ARID1B: variants seen among roughly 807,000 people sequenced by gnomAD.
ARID1B encodes the protein AT-rich interaction domain 1B.
A neutral mutation model predicts 212.3 loss-of-function variants in ARID1B; 30 were observed. The ratio of observed to expected loss-of-function variants is 0.14; its 90% confidence interval spans 0.11 to 0.19. The LOEUF (loss-of-function observed/expected upper bound fraction) is 0.19, where lower values mean the gene tolerates loss of function less well. ARID1B is among the 10% of genes least tolerant of loss of function. The probability of loss-of-function intolerance (pLI) is 1.00; values close to 1 mark genes in which losing one functional copy is unlikely to be tolerated. For missense variants in ARID1B, 2,891 were observed against 3,204.0 expected (o/e 0.90, Z 2.36); for synonymous variants, 1,402 against 1,301.7 (o/e 1.08, Z -1.66).
At chr6:157,155,760 T>C (rs78424269) in intron 8 of ARID1B, among the ~76,000 whole-genome samples, 3,406 of 152,254 alleles carry the variant, frequency 0.022, 63 homozygotes, top group East Asian at 0.059. Context: ...CCCCACCGTA[T>C]TGCTGTTGGA....
intron 4 of ARID1B, among the ~76,000 whole-genome samples, chr6:157,064,498 T>G (rs1783548475): frequency 6.9e-6 from 1 of 145,320 alleles, no homozygotes. Context: ...TTGTTCCCAG[T>G]GAACAGTGAA....
intron 4 of ARID1B, among the ~76,000 whole-genome samples, chr6:156,972,159 C>T (rs1776976578): frequency 6.6e-6 from 1 of 152,066 alleles, no homozygotes. Context: ...ATGAGATTCC[C>T]CCAGAATTCT....
intron 7 of ARID1B, chr6:157,140,910 T>C (rs7765287): frequency 8.0e-4 from 298 of 373,596 alleles, no homozygotes; most frequent in African/African-American, 5.9e-3. Flanking sequence ...CCTCATGACA[T>C]GTTCTTGATT....
chr6:156,890,982 A>G (rs141205075), intron 2 of ARID1B, among the ~76,000 whole-genome samples: 98 of 152,268 alleles, frequency 6.4e-4, no homozygotes, highest in African/African-American at 2.2e-3. Flanking sequence ...AAGGCACCTA[A>G]GCTGTTTAGG....
intron 2 of ARID1B, chr6:156,871,774 G>A (rs2128145705): frequency 8.5e-7 from 1 of 1,175,272 alleles, no homozygotes; most frequent in South Asian, 1.4e-5. Flanking sequence ...TTAGATGGGA[G>A]GCTGAGGGCC....
chr6:156,911,483 C>T (rs1275812408), intron 3 of ARID1B, among the ~76,000 whole-genome samples: 1 of 151,796 alleles, frequency 6.6e-6, no homozygotes, highest in Non-Finnish European at 1.5e-5. Context: ...TACCCTATAG[C>T]CACTGTTTAA....
chr6:156,856,479 TTAAG>T (rs538647709), intron 2 of ARID1B, among the ~76,000 whole-genome samples: 67 of 152,246 alleles, frequency 4.4e-4, no homozygotes, highest in Non-Finnish European at 7.2e-4. Context: ...CATGGAGAGA[TTAAG>T]TAACTTCCCC....
At chr6:157,149,801 G>A (rs2128637441) in intron 8 of ARID1B, 1 of 152,270 alleles carries the variant, frequency 6.6e-6, no homozygotes, top group South Asian at 2.1e-4. Flanking sequence ...GGAAGCAAAA[G>A]CTAAGGTGTG....
At chr6:157,096,663 C>T (rs939530808) in intron 5 of ARID1B, among the ~76,000 whole-genome samples, 4 of 152,226 alleles carry the variant, frequency 2.6e-5, no homozygotes, top group African/African-American at 4.8e-5. Flanking sequence ...CCCAGGCTGG[C>T]ACTGCCTCTG....
chr6:156,996,867 T>A (rs1481951333), intron 4 of ARID1B, among the ~76,000 whole-genome samples: 1 of 152,204 alleles, frequency 6.6e-6, no homozygotes, highest in African/African-American at 2.4e-5. Flanking sequence ...AAATCACACA[T>A]TTGCCTGAAT....
intron 3 of ARID1B, among the ~76,000 whole-genome samples, chr6:156,905,250 G>GCGCGCACACA (rs1554265935): frequency 7.0e-5 from 10 of 143,728 alleles, no homozygotes; most frequent in Admixed American, 3.5e-4. Flanking sequence ...ACATATGCAC[G>GCGCGCACACA]CACACACACA....
At chr6:156,916,535 C>T (rs539692947) in intron 3 of ARID1B, among the ~76,000 whole-genome samples, 12 of 152,150 alleles carry the variant, frequency 7.9e-5, no homozygotes, top group African/African-American at 2.2e-4. Context: ...CCTCAGACTT[C>T]ATTAACCGAG....
intron 4 of ARID1B, among the ~76,000 whole-genome samples, chr6:156,945,992 G>A (rs534151254): frequency 6.6e-6 from 1 of 152,208 alleles, no homozygotes; most frequent in Non-Finnish European, 1.5e-5. Context: ...CTGGGCAACA[G>A]AGCAAGACCC....
In ARID1B at chr6:156,944,925, CT is replaced by C. The variant is rs543626936; in HGVS notation, c.2247+9364del. On this transcript the variant is annotated intron_variant, in intron 4 of 19. Coordinates refer to ENST00000636930, the MANE Select transcript of ARID1B (RefSeq NM_001374828.1). The stretch of plus-strand genomic sequence containing the variant: ...TCTTCTTCTTCTTCTTTTTCTTTTC[CT>C]TTTTTTTTTTTTTTGAGACGGAGTC... Among the ~76,000 whole-genome samples the C allele has an allele frequency of 7.3e-3, 990 of 135,316 alleles. 7 individuals are homozygous for C. Among genetic ancestry groups the C allele is most frequent in the African/African-American group, 0.022 (787 of 35,548 alleles). The allele number at this position is 135,316 out of a possible 152,430, so 88.8% of individuals were successfully genotyped here.
At chr6:156,904,097 C>T (rs373009848) in intron 3 of ARID1B, among the ~76,000 whole-genome samples, 2 of 152,160 alleles carry the variant, frequency 1.3e-5, no homozygotes, top group Admixed American at 6.5e-5. Flanking sequence ...TCACCACCCC[C>T]GTTCTTGACT....
chr6:156,915,119 G>A (rs751375474), intron 3 of ARID1B, among the ~76,000 whole-genome samples: 2 of 152,172 alleles, frequency 1.3e-5, no homozygotes, highest in Admixed American at 1.3e-4. Flanking sequence ...GAAGGTAAAT[G>A]TTTACTGCTG....
chr6:156,806,625 AG>A (rs746117539), intron 1 of ARID1B, among the ~76,000 whole-genome samples: 15 of 152,340 alleles, frequency 9.8e-5, no homozygotes, highest in Non-Finnish European at 1.3e-4. Flanking sequence ...GTGCTGAAGC[AG>A]AAGCACAGTG....
chr6:156,900,626 C>G (rs567467546), intron 2 of ARID1B, among the ~76,000 whole-genome samples: 1 of 152,100 alleles, frequency 6.6e-6, no homozygotes, highest in Non-Finnish European at 1.5e-5. Context: ...CAATAGATTT[C>G]TCATTAAGAA....
chr6:156,891,546 T>G (rs1197248975), intron 2 of ARID1B, among the ~76,000 whole-genome samples: 3 of 152,236 alleles, frequency 2.0e-5, no homozygotes, highest in Non-Finnish European at 4.4e-5. Context: ...TTTATACCTA[T>G]ACCACAAACA....
Sources: allele counts gnomAD v4.1 joint callset (sites outside exome capture counted in the v4.1 genomes callset), GRCh38; gene constraint gnomAD v4.1.1; transcripts MANE v1.5; gene names NCBI Gene and HGNC (gene_info 2026-07-23, HGNC 2026-07-21).